The following SRP19 variants were observed in gnomAD, a reference collection of about 807,000 sequenced individuals.
SRP19 encodes signal recognition particle 19.
A neutral mutation model predicts 22.4 loss-of-function variants in SRP19; 11 were observed. The ratio of observed to expected loss-of-function variants is 0.49; its 90% CI spans 0.31 to 0.81. The LOEUF is 0.81. Among genes scored for constraint, SRP19 ranks in the 40% least tolerant of loss-of-function variants. The pLI, the probability that SRP19 is intolerant of heterozygous loss-of-function variation, is 0.05. For missense variants in SRP19, 168 were observed against 175.9 expected, an observed-to-expected ratio of 0.96 and a Z score of 0.25; for synonymous variants, 61 against 57.6, an observed-to-expected ratio of 1.06 and a Z score of -0.27.
downstream of SRP19, chr5:112,893,270 TGTG>T (rs746857778): frequency 1.5e-4 from 41 of 271,488 alleles, no homozygotes; most frequent in Non-Finnish European, 2.8e-4. Context: ...ATTAGCCAGG[TGTG>T]GTGGCAGGCG....
exon 5 of SRP19, chr5:112,892,492 T>C (rs768556860): frequency 3.1e-6 from 5 of 1,614,134 alleles, no homozygotes; most frequent in Non-Finnish European, 3.4e-6. Context: ...GGAAGAAGAA[T>C]GCCAAGCAGC....
chr5:112,884,561 G>A (rs1356703212), intron 4 of SRP19, among the ~76,000 whole-genome samples: 6 of 151,848 alleles, frequency 4.0e-5, no homozygotes, highest in Non-Finnish European at 8.8e-5. Context: ...AATTTTTGTA[G>A]AGAGCGGGTC....
At chr5:112,864,356 T>C in intron 2 of SRP19, 101 bp from the exon 3 acceptor site, 1 of 1,003,002 alleles carries the variant, frequency 1.0e-6, no homozygotes, top group Non-Finnish European at 1.5e-6. Context: ...CCTAGGGTTT[T>C]GGTACTTGTT....
At chr5:112,866,610 A>G (rs1452214268) in intron 4 of SRP19, among the ~76,000 whole-genome samples, 1 of 152,208 alleles carries the variant, frequency 6.6e-6, no homozygotes, top group African/African-American at 2.4e-5. Context: ...GATTACAGAC[A>G]TGACCCACTG....
chr5:112,886,463 C>A (rs776614921), intron 4 of SRP19, among the ~76,000 whole-genome samples: 1 of 152,168 alleles, frequency 6.6e-6, no homozygotes, highest in Non-Finnish European at 1.5e-5. Flanking sequence ...GCATCCCAGG[C>A]TTGTCTCTAG....
At chr5:112,887,165 A>C in intron 4 of SRP19, 2 of 1,604,428 alleles carry the variant, frequency 1.2e-6, no homozygotes, top group Non-Finnish European at 1.7e-6. Flanking sequence ...GGGGCCATGC[A>C]CCACAACAGG....
chr5:112,872,099 A>G (rs1767773056), downstream of SRP19, among the ~76,000 whole-genome samples: 1 of 152,208 alleles, frequency 6.6e-6, no homozygotes, highest in Non-Finnish European at 1.5e-5. Flanking sequence ...ATATGCTTGC[A>G]TATTTCCTAT....
chr5:112,896,250 T>C (rs562489152), downstream of SRP19: 410 of 152,790 alleles, frequency 2.7e-3, 1 homozygote, highest in Admixed American at 4.2e-3. Context: ...CGAGGCACAG[T>C]GGCTTACGCC....
intron 4 of SRP19, among the ~76,000 whole-genome samples, chr5:112,886,249 A>G (rs143559722): frequency 3.2e-4 from 49 of 152,360 alleles, no homozygotes; most frequent in African/African-American, 1.2e-3. Flanking sequence ...CGTCATAGAT[A>G]ACCCCAAGTA....
chr5:112,882,666 T>A (rs992335952), intron 4 of SRP19, among the ~76,000 whole-genome samples: 6 of 152,228 alleles, frequency 3.9e-5, no homozygotes, highest in African/African-American at 1.4e-4. Flanking sequence ...AACTCGCTTA[T>A]GTAGTGTCCA....
At chr5:112,862,302 C>T (rs1767431065) in intron 1 of SRP19, 1 of 607,960 alleles carries the variant, frequency 1.6e-6, no homozygotes, top group Non-Finnish European at 2.9e-6. Flanking sequence ...GGAGTAGGCC[C>T]GCGGCCAGTC....
intron 2 of SRP19, 63 bp from the exon 3 acceptor site, chr5:112,864,394 C>T (rs1218252083): frequency 7.2e-7 from 1 of 1,381,024 alleles, no homozygotes; most frequent in Admixed American, 1.7e-5. Flanking sequence ...ATTATTTACC[C>T]AACACTATGG....
chr5:112,890,360 A>C lies in SRP19; in HGVS notation c.302-1243A>C, dbSNP rs1011532892. 2.3e-4 allele frequency among the ~76,000 whole-genome samples: 31 copies of C among 135,906 alleles called. 2 individuals are homozygous for C. The highest frequency in any genetic ancestry group is 1.0e-3 in the African/African-American group (30 of 30,086). 89.2% of individuals were successfully genotyped at this position (135,906 alleles called of 152,430 possible). Reference sequence around the variant, plus strand: ...TAAGAATACAGAATAAAGAACACAAAATTTAAGTCTTTTTTTTTTTTTAAA... The same window carrying C: ...TAAGAATACAGAATAAAGAACACAACATTTAAGTCTTTTTTTTTTTTTAAA... On this transcript the variant is annotated intron_variant, in intron 4 of 4. Coordinates refer to the SRP19 transcript ENST00000391338.
downstream of SRP19, among the ~76,000 whole-genome samples, chr5:112,873,534 A>T (rs1767807007): frequency 6.6e-6 from 1 of 150,772 alleles, no homozygotes; most frequent in Non-Finnish European, 1.5e-5. Context: ...TTTAGTAGAG[A>T]CGGGGTTTCT....
chr5:112,861,319 CCCGGGTTTCTG>C lies in SRP19; in HGVS notation c.-47_-37del. ...CTCGGAAACTCAGAGCCGGGTTCCTCCCGGGTTTCTGCCGGGTTTCTCCCTGCGGCTCCTGG... is the reference window on the plus strand; with the variant it reads ...CTCGGAAACTCAGAGCCGGGTTCCTCCCGGGTTTCTCCCTGCGGCTCCTGG... On this transcript the variant is annotated 5_prime_UTR_variant, in exon 1 of 5. Coordinates refer to ENST00000505459, the MANE Select transcript of SRP19 (RefSeq NM_003135.3). 11 of 1,607,348 alleles carry C rather than the reference CCCGGGTTTCTG, an allele frequency of 6.8e-6. No homozygotes were observed. Among genetic ancestry groups the C allele is most frequent in the Non-Finnish European group, 8.5e-6 (10 of 1,174,100 alleles).
chr5:112,892,972 C>A (rs772846578), exon 5 of SRP19: 2 of 1,589,590 alleles, frequency 1.3e-6, no homozygotes, highest in Admixed American at 1.7e-5. Flanking sequence ...GAGCCAGAGC[C>A]GCAGGAGCCA....
chr5:112,862,293 G>A (rs960340992), intron 1 of SRP19: 21 of 595,786 alleles, frequency 3.5e-5, no homozygotes, highest in African/African-American at 3.4e-4. Flanking sequence ...TCAGAAAGAG[G>A]AGTAGGCCCG....
chr5:112,888,898 AAG>A (rs1768345259), intron 4 of SRP19, among the ~76,000 whole-genome samples: 1 of 150,760 alleles, frequency 6.6e-6, no homozygotes. Flanking sequence ...GTGTTGTGGA[AAG>A]GACAGGGTGA....
intron 4 of SRP19, among the ~76,000 whole-genome samples, chr5:112,880,777 C>A (rs1191290532): frequency 6.6e-6 from 1 of 152,116 alleles, no homozygotes; most frequent in Non-Finnish European, 1.5e-5. Context: ...AATGACATCA[C>A]CACAGGTTGC....
Sources: allele counts gnomAD v4.1 joint callset (sites outside exome capture counted in the v4.1 genomes callset), GRCh38; gene constraint gnomAD v4.1.1; transcripts MANE v1.5; gene names NCBI Gene and HGNC (gene_info 2026-07-23, HGNC 2026-07-21).